The following MYO16 variants were observed in gnomAD, a reference collection of about 807,000 sequenced individuals.
The protein encoded by MYO16 is unconventional myosin-XVI.
A neutral mutation model predicts 205.3 loss-of-function variants in MYO16; 94 were observed. The ratio of observed to expected loss-of-function variants is 0.46; its 90% CI spans 0.39 to 0.54. The LOEUF is 0.54. Among genes scored for constraint, MYO16 ranks in the 20% least tolerant of loss-of-function variants. The pLI is 0.00. For synonymous variants in MYO16, 988 were observed against 954.0 expected (o/e 1.04, Z -0.66); for missense variants, 2,315 against 2,387.5 (o/e 0.97, Z 0.63).
intron 28 of MYO16, among the ~76,000 whole-genome samples, chr13:109,108,919 A>G (rs1367033454): frequency 6.6e-6 from 1 of 152,200 alleles, no homozygotes; most frequent in Admixed American, 6.5e-5. Context: ...TGGGGACAGA[A>G]CCAGATGAGA....
chr13:108,888,310 A>G (rs756681616), intron 13 of MYO16, 62 bp from the exon 14 acceptor site: 3 of 1,198,546 alleles, frequency 2.5e-6, no homozygotes, highest in Non-Finnish European at 3.5e-6. Context: ...CAAAGGAACA[A>G]AGGAACAAGC....
intron 12 of MYO16, among the ~76,000 whole-genome samples, chr13:108,876,501 A>G (rs1258509353): frequency 6.6e-6 from 1 of 152,050 alleles, no homozygotes; most frequent in African/African-American, 2.4e-5. Flanking sequence ...TTCAACTTCA[A>G]CCTACTTATT....
chr13:109,072,205 T>C (rs1887944205), intron 27 of MYO16, among the ~76,000 whole-genome samples: 1 of 152,148 alleles, frequency 6.6e-6, no homozygotes, highest in Admixed American at 6.6e-5. Context: ...TCAAGGCGCA[T>C]GTTCACTTTC....
chr13:108,728,267 T>C (rs1039303380), intron 4 of MYO16, among the ~76,000 whole-genome samples: 1 of 152,234 alleles, frequency 6.6e-6, no homozygotes, highest in African/African-American at 2.4e-5. Flanking sequence ...CACATTTTTT[T>C]ATGTAGACTC....
At chr13:108,950,053 A>G (rs930839344) in intron 16 of MYO16, among the ~76,000 whole-genome samples, 39 of 152,212 alleles carry the variant, frequency 2.6e-4, no homozygotes, top group Admixed American at 2.5e-3. Context: ...CAAGATGATC[A>G]GAGACCTAAA....
intron 27 of MYO16, among the ~76,000 whole-genome samples, chr13:109,095,170 T>C (rs1005403011): frequency 7.2e-5 from 11 of 152,240 alleles, no homozygotes; most frequent in African/African-American, 2.2e-4. Flanking sequence ...GAAAGGCTCA[T>C]GTTTACTTTT....
At chr13:109,196,410 T>C (rs947495405) in intron 34 of MYO16, among the ~76,000 whole-genome samples, 3 of 152,160 alleles carry the variant, frequency 2.0e-5, no homozygotes, top group South Asian at 2.1e-4. Context: ...GGGAATTTGT[T>C]TGAGGGTGAG....
At chr13:108,654,891 A>G (rs1881174403) in intron 1 of MYO16, among the ~76,000 whole-genome samples, 1 of 152,150 alleles carries the variant, frequency 6.6e-6, no homozygotes, top group African/African-American at 2.4e-5. Flanking sequence ...GATAGAGATG[A>G]TTTAGCCCAT....
At chr13:108,886,337 T>C in intron 13 of MYO16, 1 of 451,364 alleles carries the variant, frequency 2.2e-6, no homozygotes, top group Non-Finnish European at 4.5e-6. Flanking sequence ...CAACCCCTTA[T>C]TTTGAAAAAA....
intron 27 of MYO16, among the ~76,000 whole-genome samples, chr13:109,074,434 C>G (rs558503895): frequency 5.9e-5 from 9 of 152,276 alleles, no homozygotes; most frequent in African/African-American, 2.2e-4. Context: ...AGGAAACTTA[C>G]AGTCACGGTA....
intron 15 of MYO16, among the ~76,000 whole-genome samples, chr13:108,905,366 G>T (rs902485893): frequency 6.6e-6 from 1 of 152,112 alleles, no homozygotes; most frequent in Non-Finnish European, 1.5e-5. Context: ...TGGTTTAATC[G>T]GGCTGCCTCT....
At chr13:108,502,004 G>T in the MYO16 span, among the ~76,000 whole-genome samples, 2 of 152,262 alleles carry the variant, frequency 1.3e-5, no homozygotes, top group Non-Finnish European at 1.5e-5. Flanking sequence ...ACGAGGTCAG[G>T]AGATCGAGAC....
chr13:108,775,526 A>T (rs1356716651), intron 4 of MYO16, among the ~76,000 whole-genome samples: 6 of 147,812 alleles, frequency 4.1e-5, no homozygotes, highest in African/African-American at 1.5e-4. Context: ...GGTTTTTTTT[A>T]AATAAAAGCT....
At chr13:108,566,024 A>G in the MYO16 span, among the ~76,000 whole-genome samples, 1 of 151,616 alleles carries the variant, frequency 6.6e-6, no homozygotes, top group Non-Finnish European at 1.5e-5. Flanking sequence ...TAGTTTTGTT[A>G]TCAGAGTAAT....
At position 109,073,132 on chromosome 13, in the gene MYO16, C is replaced by T. The variant is rs140333322; in HGVS notation, c.3335+17537C>T. On this transcript the variant is annotated intron_variant, in intron 27 of 34. Coordinates refer to ENST00000457511, the MANE Select transcript of MYO16 (RefSeq NM_001198950.3). ...TCTTTTTTTTTTTGAGATGGAGTCT[C>T]GTCCTGTCACCCAGGCTGCAGTGTA... 1.1e-3 allele frequency among the ~76,000 whole-genome samples: 162 copies of T among 147,916 alleles called. 1 individual carries two copies. The highest frequency in any genetic ancestry group is 3.8e-3 in the African/African-American group (153 of 40,204).
chr13:108,680,025 T>G (rs16972907), intron 2 of MYO16, among the ~76,000 whole-genome samples: 1,987 of 144,716 alleles, frequency 0.014, 37 homozygotes, highest in African/African-American at 0.049. Context: ...ATTCATCACT[T>G]AGATCCCAGT....
At chr13:109,144,168 C>T (rs780043622) in intron 32 of MYO16, among the ~76,000 whole-genome samples, 10 of 152,026 alleles carry the variant, frequency 6.6e-5, no homozygotes, top group Admixed American at 2.0e-4. Context: ...GCGCCCACTA[C>T]CATGCCTGGC....
At chr13:108,587,482 A>G in the MYO16 span, among the ~76,000 whole-genome samples, 5 of 152,210 alleles carry the variant, frequency 3.3e-5, no homozygotes, top group African/African-American at 1.2e-4. Flanking sequence ...ACTTTAAACT[A>G]CCAAACAATG....
intron 21 of MYO16, among the ~76,000 whole-genome samples, chr13:109,000,412 C>T (rs181184274): frequency 1.4e-4 from 21 of 152,218 alleles, no homozygotes; most frequent in Non-Finnish European, 2.4e-4. Flanking sequence ...TGTGTGAGGC[C>T]GCAGGAGCTG....
Sources: gnomAD v4.1 joint callset for allele counts (sites outside exome capture counted in the v4.1 genomes callset) on GRCh38, gnomAD v4.1.1 for gene constraint, MANE v1.5 for transcripts, NCBI Gene and HGNC (gene_info 2026-07-23, HGNC 2026-07-21) for gene names.